The following CIB4 variants were observed in gnomAD, a reference collection of about 807,000 sequenced individuals.
CIB4 encodes the protein calcium and integrin binding family member 4.
CIB4 carries 25 observed loss-of-function variants against 25.8 expected under a neutral mutation model. The observed-to-expected ratio is 0.97, with a 90% CI of 0.71 to 1.35. CIB4 has a LOEUF of 1.35. Ranked by LOEUF, CIB4 falls within the 40% of genes most tolerant of loss-of-function variation. The pLI is 0.00. For synonymous variants in CIB4, 75 were observed against 81.4 expected, an observed-to-expected ratio of 0.92 and a Z score of 0.42; for missense variants, 235 against 228.2, an observed-to-expected ratio of 1.03 and a Z score of -0.19.
chr2:26,594,217 G>C (rs1447632856), intron 4 of CIB4, among the ~76,000 whole-genome samples: 1 of 152,214 alleles, frequency 6.6e-6, no homozygotes. Flanking sequence ...GCTATCTGCA[G>C]GAGTGACCTA....
At chr2:26,598,417 G>A (rs1668720577) in intron 3 of CIB4, among the ~76,000 whole-genome samples, 1 of 152,150 alleles carries the variant, frequency 6.6e-6, no homozygotes, top group Non-Finnish European at 1.5e-5. Context: ...CTATGAAAGT[G>A]AGAGGCACGG....
rs115758793 is a variant in CIB4 at position 26,630,990 on chromosome 2, C to T, written c.90-1484G>A. ...TGGTCCCCTCCATGCTCCAAAATTA[C>T]CCCTCCCTCCTTTAGTCCTTTCCTG... On this transcript the variant is annotated intron_variant, in intron 2 of 6. Transcript: ENST00000288861. 2.2e-3 allele frequency among the ~76,000 whole-genome samples: 339 copies of T among 152,284 alleles called. 2 individuals carry two copies. Among genetic ancestry groups the T allele is most frequent in the Non-Finnish European group, 4.2e-3 (283 of 68,022 alleles).
intron 3 of CIB4, chr2:26,605,541 T>TTCTTCCTTCATCTCACTGCC (rs1668871997): frequency 4.2e-6 from 2 of 470,938 alleles, no homozygotes; most frequent in Admixed American, 4.7e-5. Context: ...GGGAAGGCTC[T>TTCTTCCTTCATCTCACTGCC]TCTTCCTTCA....
chr2:26,619,695 G>A (rs922397226), intron 3 of CIB4, among the ~76,000 whole-genome samples: 3 of 152,204 alleles, frequency 2.0e-5, no homozygotes, highest in Admixed American at 6.5e-5. Flanking sequence ...CAGCAGATTT[G>A]AGGAAGCAGG....
intron 3 of CIB4, among the ~76,000 whole-genome samples, chr2:26,619,261 G>A (rs1350643765): frequency 1.3e-5 from 2 of 152,116 alleles, no homozygotes; most frequent in Non-Finnish European, 1.5e-5. Context: ...CGGGGGGTGA[G>A]GGAGGCTCCG....
intron 3 of CIB4, among the ~76,000 whole-genome samples, chr2:26,624,547 G>A (rs1669263298): frequency 6.6e-6 from 1 of 151,988 alleles, no homozygotes; most frequent in Non-Finnish European, 1.5e-5. Flanking sequence ...AAACACTCGA[G>A]GCTTCTTACA....
At chr2:26,588,213 A>G (rs1426716049) in intron 4 of CIB4, among the ~76,000 whole-genome samples, 1 of 152,258 alleles carries the variant, frequency 6.6e-6, no homozygotes, top group African/African-American at 2.4e-5. Flanking sequence ...CGGTGTCCCC[A>G]GGCGTCCTGC....
At chr2:26,600,768 T>C (rs1470953679) in intron 3 of CIB4, among the ~76,000 whole-genome samples, 3 of 152,222 alleles carry the variant, frequency 2.0e-5, no homozygotes, top group Non-Finnish European at 4.4e-5. Flanking sequence ...ATGTTGATTC[T>C]TTCCAAATTG....
At chr2:26,588,920 T>C (rs1250254964) in intron 4 of CIB4, among the ~76,000 whole-genome samples, 1 of 151,766 alleles carries the variant, frequency 6.6e-6, no homozygotes, top group African/African-American at 2.4e-5. Context: ...GGCCAGTAGG[T>C]AAGCTCCAGG....
At chr2:26,628,053 A>G (rs1158145718) in intron 3 of CIB4, among the ~76,000 whole-genome samples, 1 of 152,244 alleles carries the variant, frequency 6.6e-6, no homozygotes, top group Non-Finnish European at 1.5e-5. Context: ...TCATTGAACA[A>G]TGACAAACTG....
intron 4 of CIB4, among the ~76,000 whole-genome samples, chr2:26,586,049 C>G (rs1668446176): frequency 1.3e-5 from 2 of 152,168 alleles, no homozygotes; most frequent in Non-Finnish European, 2.9e-5. Flanking sequence ...ATGCACTACC[C>G]CACCCTAGCC....
At chr2:26,611,367 C>T (rs1254254306) in intron 3 of CIB4, among the ~76,000 whole-genome samples, 1 of 152,230 alleles carries the variant, frequency 6.6e-6, no homozygotes, top group Non-Finnish European at 1.5e-5. Context: ...TGAAAAACCA[C>T]ATGCGAAGAG....
chr2:26,616,664 T>C (rs1195456142), intron 3 of CIB4, among the ~76,000 whole-genome samples: 1 of 152,102 alleles, frequency 6.6e-6, no homozygotes, highest in Non-Finnish European at 1.5e-5. Flanking sequence ...GCGTCCCAGA[T>C]GTGTATGAGA....
At position 26,621,113 on chromosome 2, in the gene CIB4, C is replaced by G. The variant is rs1669195599; in HGVS notation, c.186+8297G>C. ...CAATGAAATAATTAAAGGAAAGGCC[C>G]CAGAGCTGAAGGACATGAGTTTCCA... On this transcript the variant is annotated intron_variant, in intron 3 of 6. Coordinates refer to ENST00000288861, the MANE Select transcript of CIB4 (RefSeq NM_001029881.3). 3.3e-5 allele frequency among the ~76,000 whole-genome samples: 5 copies of G among 151,786 alleles called. No individual in the cohort carries two copies. In the South Asian group the frequency reaches 1.0e-3, roughly 32 times the overall value.
chr2:26,590,931 C>G (rs1225320199), intron 4 of CIB4, among the ~76,000 whole-genome samples: 1 of 152,224 alleles, frequency 6.6e-6, no homozygotes, highest in African/African-American at 2.4e-5. Flanking sequence ...TTGATCTACC[C>G]TGAGGCTCTC....
intron 4 of CIB4, among the ~76,000 whole-genome samples, chr2:26,591,357 T>C (rs1168615290): frequency 1.3e-5 from 2 of 151,228 alleles, no homozygotes; most frequent in Non-Finnish European, 2.9e-5. Context: ...GGCCGGGGAG[T>C]CATCTTTGGC....
At position 26,635,029 on chromosome 2, in the gene CIB4, G is replaced by A. The variant is rs927142765; in HGVS notation, c.89+5504C>T. On this transcript the variant is annotated intron_variant, in intron 2 of 6. Transcript: ENST00000288861. ...CTCTTTGGGTCTGCAGGGTCTGCAC[G>A]GTCTGCAGTCACCGCCGGAAGGGCC... 5.9e-5 allele frequency among the ~76,000 whole-genome samples: 9 copies of A among 152,368 alleles called. No homozygotes were observed. In the South Asian group the frequency reaches 1.5e-3, roughly 25 times the overall value.
At chr2:26,617,455 T>A (rs1156717480) in intron 3 of CIB4, among the ~76,000 whole-genome samples, 1 of 152,182 alleles carries the variant, frequency 6.6e-6, no homozygotes, top group African/African-American at 2.4e-5. Flanking sequence ...AGAGCCTCAG[T>A]TTCCTCATCT....
At chr2:26,588,115 G>A (rs1439173700) in intron 4 of CIB4, among the ~76,000 whole-genome samples, 1 of 152,244 alleles carries the variant, frequency 6.6e-6, no homozygotes, top group Non-Finnish European at 1.5e-5. Context: ...AGGGGGCGAA[G>A]GGACCAGCCC....
Sources: gnomAD v4.1 joint callset for allele counts (sites outside exome capture counted in the v4.1 genomes callset) on GRCh38, gnomAD v4.1.1 for gene constraint, MANE v1.5 for transcripts, NCBI Gene and HGNC (gene_info 2026-07-23, HGNC 2026-07-21) for gene names.